The following LIMCH1 variants were observed in gnomAD, a reference collection of about 807,000 sequenced individuals.
The protein encoded by LIMCH1 is LIM and calponin homology domains 1.
A neutral mutation model predicts 176.5 loss-of-function variants in LIMCH1; 113 were observed. The observed-to-expected ratio is 0.64, with a 90% CI of 0.55 to 0.75. LIMCH1 has a LOEUF of 0.75. Among genes scored for constraint, LIMCH1 ranks in the 30% least tolerant of loss-of-function variants. The pLI, the probability that LIMCH1 is intolerant of heterozygous loss-of-function variation, is 0.00. For missense variants in LIMCH1, 1,674 were observed against 1,814.9 expected, an observed-to-expected ratio of 0.92 and a Z score of 1.41; for synonymous variants, 619 against 645.9, an observed-to-expected ratio of 0.96 and a Z score of 0.63.
Position 41,681,684 on chromosome 4 carries a change from T to C in LIMCH1, c.3717+625T>C, listed in dbSNP as rs75228372. 2.4e-3 allele frequency among the ~76,000 whole-genome samples: 372 copies of C among 151,884 alleles called. 5 individuals are homozygous for C. Among genetic ancestry groups the C allele is most frequent in the South Asian group, 0.019 (90 of 4,810 alleles). On this transcript the variant is annotated intron_variant, in intron 25 of 31. Coordinates refer to ENST00000503057, the MANE Select transcript of LIMCH1 (RefSeq NM_001330672.2). ...AAGACCCTATCTCTAAAGGAAATAATAATAATAAAAAAAACTAATGCATGC... is the reference window on the plus strand; with the variant it reads ...AAGACCCTATCTCTAAAGGAAATAACAATAATAAAAAAAACTAATGCATGC...
At chr4:41,545,949 T>G (rs1354658396) in intron 1 of LIMCH1, among the ~76,000 whole-genome samples, 1 of 152,138 alleles carries the variant, frequency 6.6e-6, no homozygotes, top group African/African-American at 2.4e-5. Context: ...AACATTGGGG[T>G]GAATGCTTTA....
chr4:41,620,823 C>CT (rs2092517004), intron 7 of LIMCH1, 133 bp downstream of exon 7: 3 of 1,019,042 alleles, frequency 2.9e-6, no homozygotes, highest in Non-Finnish European at 2.8e-6. Flanking sequence ...GTTCCCTGCT[C>CT]TGAGCACGTA....
At chr4:41,421,749 G>T (rs75780520) in intron 1 of LIMCH1, among the ~76,000 whole-genome samples, 2,601 of 152,170 alleles carry the variant, frequency 0.017, 70 homozygotes, top group African/African-American at 0.059. Context: ...AACTATAAAA[G>T]AATACGATTA....
intron 18 of LIMCH1, among the ~76,000 whole-genome samples, chr4:41,655,815 C>T (rs1160966809): frequency 6.6e-6 from 1 of 152,052 alleles, no homozygotes; most frequent in African/African-American, 2.4e-5. Flanking sequence ...AGGCATGAGC[C>T]ACCATGCCTG....
intron 9 of LIMCH1, 118 bp from the exon 10 acceptor site, chr4:41,631,030 C>T: frequency 1.2e-6 from 1 of 842,432 alleles, no homozygotes; most frequent in Non-Finnish European, 1.8e-6. Context: ...CAGTGGGATG[C>T]CGAACTCACT....
chr4:41,650,314 A>T, intron 17 of LIMCH1, 79 bp from the exon 18 acceptor site: 1 of 970,086 alleles, frequency 1.0e-6, no homozygotes, highest in South Asian at 1.5e-5. Flanking sequence ...CTTTTGAGGT[A>T]ATTCTGAACG....
At chr4:41,608,211 G>A (rs1272586830) in intron 4 of LIMCH1, among the ~76,000 whole-genome samples, 1 of 152,148 alleles carries the variant, frequency 6.6e-6, no homozygotes. Context: ...TAGCCATCAT[G>A]TCCACATTCA....
chr4:41,671,540 T>A lies in LIMCH1; in HGVS notation c.3398-14T>A. The A allele has an allele frequency of 6.2e-7, 1 of 1,603,258 alleles. No individual in the cohort carries two copies. The highest frequency in any genetic ancestry group is 8.5e-7 in the Non-Finnish European group (1 of 1,170,932). Reference sequence around the variant, plus strand: ...CATTCATATCTTTTTTTTCTTTCTTTTTTTTCTGTGCAGTGGATTCTCCAA... The same window carrying A: ...CATTCATATCTTTTTTTTCTTTCTTATTTTTCTGTGCAGTGGATTCTCCAA... On this transcript the variant is annotated splice_polypyrimidine_tract_variant and intron_variant, in intron 21 of 31. Transcript: ENST00000503057.
At chr4:41,504,765 A>G (rs1018504225) in intron 2 of LIMCH1, among the ~76,000 whole-genome samples, 2 of 152,228 alleles carry the variant, frequency 1.3e-5, no homozygotes, top group African/African-American at 4.8e-5. Context: ...TTACTATCTA[A>G]GGACATATAT....
intron 2 of LIMCH1, among the ~76,000 whole-genome samples, chr4:41,521,563 G>A (rs1027774815): frequency 9.9e-5 from 15 of 152,002 alleles, no homozygotes; most frequent in African/African-American, 2.9e-4. Flanking sequence ...CACAAAAAAT[G>A]TCCTTGATTT....
chr4:41,540,537 G>C (rs1335599149), intron 1 of LIMCH1, among the ~76,000 whole-genome samples: 2 of 152,126 alleles, frequency 1.3e-5, no homozygotes, highest in Non-Finnish European at 2.9e-5. Context: ...TCAGGCGTTC[G>C]AGACCAGCCT....
chr4:41,361,477 G>T (rs764468784), intron 1 of LIMCH1, among the ~76,000 whole-genome samples: 2 of 152,200 alleles, frequency 1.3e-5, no homozygotes, highest in African/African-American at 2.4e-5. Flanking sequence ...GGTCAGGTGT[G>T]AGGCTGGCAC....
chr4:41,689,955 G>T (rs1724133841), intron 30 of LIMCH1, among the ~76,000 whole-genome samples: 1 of 152,202 alleles, frequency 6.6e-6, no homozygotes, highest in African/African-American at 2.4e-5. Context: ...GGGCCATGTG[G>T]ATTTATTTGG....
At chr4:41,582,894 C>T (rs1175480009) in intron 1 of LIMCH1, among the ~76,000 whole-genome samples, 2 of 152,048 alleles carry the variant, frequency 1.3e-5, no homozygotes, top group Non-Finnish European at 2.9e-5. Flanking sequence ...TTAGCTTTGT[C>T]GTGGGTGTAT....
At chr4:41,618,541 G>A (rs1319472304) in intron 5 of LIMCH1, among the ~76,000 whole-genome samples, 1 of 152,160 alleles carries the variant, frequency 6.6e-6, no homozygotes, top group African/African-American at 2.4e-5. Context: ...GAAAAGACAA[G>A]ATCATGGGGG....
chr4:41,456,562 G>A (rs2064631968), intron 1 of LIMCH1, among the ~76,000 whole-genome samples: 2 of 151,914 alleles, frequency 1.3e-5, no homozygotes, highest in Non-Finnish European at 1.5e-5. Context: ...CAGAGGGAGG[G>A]AGGAGATGCT....
chr4:41,519,034 C>T (rs2152393695), intron 2 of LIMCH1, among the ~76,000 whole-genome samples: 1 of 152,284 alleles, frequency 6.6e-6, no homozygotes, highest in Admixed American at 6.5e-5. Flanking sequence ...AATAGTACTA[C>T]AATAAACATA....
intron 2 of LIMCH1, chr4:41,524,359 G>C: frequency 7.2e-7 from 1 of 1,379,876 alleles, no homozygotes; most frequent in South Asian, 1.2e-5. Context: ...TGATTTGTGT[G>C]ATCCATCTTG....
chr4:41,411,956 CAAAAAAAAAAAAA>C (rs61054692), intron 1 of LIMCH1, among the ~76,000 whole-genome samples: 1 of 38,576 alleles, frequency 2.6e-5, no homozygotes, highest in South Asian at 1.8e-3. Flanking sequence ...GACTCCATCT[CAAAAAAAAAAAAA>C]AAAAAAAAAA....
Sources: gnomAD v4.1 joint callset for allele counts (sites outside exome capture counted in the v4.1 genomes callset) on GRCh38, gnomAD v4.1.1 for gene constraint, MANE v1.5 for transcripts, NCBI Gene and HGNC (gene_info 2026-07-23, HGNC 2026-07-21) for gene names.